Variants in DGKH observed in about 807,000 individuals in gnomAD.
DGKH encodes the protein diacylglycerol kinase eta, also known as DAG kinase eta.
Under a neutral mutation model 159.3 loss-of-function variants are expected in DGKH, and 90 were observed. The ratio of observed to expected loss-of-function variants is 0.57; its 90% CI spans 0.48 to 0.67. The LOEUF is 0.67. DGKH is among the 30% of genes least tolerant of loss of function. The pLI, the probability that DGKH is intolerant of heterozygous loss-of-function variation, is 0.00. For missense variants in DGKH, 1,181 were observed against 1,506.1 expected (o/e 0.78, Z 3.57); for synonymous variants, 536 against 553.8 (o/e 0.97, Z 0.45).
At chr13:42,167,940 A>C (rs947360041) in intron 9 of DGKH, among the ~76,000 whole-genome samples, 27 of 152,270 alleles carry the variant, frequency 1.8e-4, no homozygotes, top group African/African-American at 6.3e-4. Context: ...GAGATGAGGG[A>C]AAATAGAAGG....
At chr13:42,089,906 A>G (rs993310264) in intron 1 of DGKH, among the ~76,000 whole-genome samples, 2 of 136,912 alleles carry the variant, frequency 1.5e-5, no homozygotes, top group Admixed American at 7.6e-5. Flanking sequence ...CATGTCAAAT[A>G]TATTCTCAGA....
chr13:42,180,399 T>G (rs1319858239), intron 13 of DGKH, among the ~76,000 whole-genome samples: 1 of 152,246 alleles, frequency 6.6e-6, no homozygotes, highest in Non-Finnish European at 1.5e-5. Flanking sequence ...TTTCTAGTGT[T>G]CAATCCTGTT....
intron 1 of DGKH, among the ~76,000 whole-genome samples, chr13:42,103,501 C>T (rs747356301): frequency 2.0e-5 from 3 of 152,178 alleles, no homozygotes; most frequent in Non-Finnish European, 2.9e-5. Context: ...CTGCGATTCC[C>T]AAGTCCCTGC....
In DGKH at chr13:42,048,869, G is replaced by C. The variant is rs1013199141; in HGVS notation, c.96G>C (p.Ala32=). 13 of 1,372,476 alleles carry C rather than the reference G, an allele frequency of 9.5e-6. No individual in the cohort carries two copies. Among genetic ancestry groups the C allele is most frequent in the Non-Finnish European group, 1.2e-5 (13 of 1,058,130 alleles). 85.0% of individuals were successfully genotyped at this position (1,372,476 alleles called of 1,614,324 possible). Residue 32 remains alanine, a synonymous_variant, in exon 1 of 30, where the codon GCG becomes GCC. Coordinates refer to ENST00000337343, the MANE Select transcript of DGKH (RefSeq NM_178009.5). This position sits in a 1 kb window ranked among gnomAD's most constrained non-coding sequence, Gnocchi z 6.7. ...CGGTCACCTCCGCCGCTGCCTCGGCGGGGCCGGGAGAGGATTCGTCTGACA... is the reference window on the plus strand; with the variant it reads ...CGGTCACCTCCGCCGCTGCCTCGGCCGGGCCGGGAGAGGATTCGTCTGACA... ...GAAVTSAAAS[A]GPGEDSSDSE...
intron 1 of DGKH, chr13:42,070,576 C>G (rs1347953827): frequency 3.2e-6 from 5 of 1,576,352 alleles, no homozygotes; most frequent in Non-Finnish European, 3.5e-6. Context: ...CCGTGCAAGA[C>G]CAAAGTCGCC....
intron 12 of DGKH, among the ~76,000 whole-genome samples, chr13:42,176,345 T>G (rs920861482): frequency 1.3e-5 from 2 of 152,184 alleles, no homozygotes. Flanking sequence ...TTTTCAAATT[T>G]TAAAGTTTAT....
chr13:42,147,791 A>G (rs1011117137), intron 3 of DGKH, among the ~76,000 whole-genome samples: 3 of 152,224 alleles, frequency 2.0e-5, no homozygotes, highest in Non-Finnish European at 4.4e-5. Context: ...GTGCGTTGTA[A>G]TAGTTCCAAA....
At chr13:42,041,883 C>T (rs1181131678) in intron 1 of DGKH, among the ~76,000 whole-genome samples, 1 of 152,240 alleles carries the variant, frequency 6.6e-6, no homozygotes, top group African/African-American at 2.4e-5. Context: ...GCTGTTTTCC[C>T]AGGGACTCTC....
chr13:42,170,286 G>A (rs1249630365), intron 11 of DGKH, among the ~76,000 whole-genome samples: 1 of 152,110 alleles, frequency 6.6e-6, no homozygotes, highest in Admixed American at 6.5e-5. Context: ...GGTGGCTCAC[G>A]CCTATAATCC....
chr13:42,053,630 A>AT (rs199772499), intron 1 of DGKH, among the ~76,000 whole-genome samples: 1,518 of 143,030 alleles, frequency 0.011, 7 homozygotes, highest in Non-Finnish European at 0.017. Flanking sequence ...ATATATATAT[A>AT]TTTTTTTGAG....
intron 3 of DGKH, among the ~76,000 whole-genome samples, chr13:42,135,507 A>AAAAAAAAAAAAAAAAAAGAAAG (rs71096557): frequency 8.8e-6 from 1 of 113,404 alleles, no homozygotes; most frequent in Non-Finnish European, 1.9e-5. Context: ...AAAAAAAAAA[A>AAAAAAAAAAAAAAAAAAGAAAG]AGAGAGAGAG....
At chr13:42,225,270 T>C (rs1958094832) in intron 29 of DGKH, 1 of 1,585,694 alleles carries the variant, frequency 6.3e-7, no homozygotes, top group African/African-American at 1.3e-5. Context: ...ACAAACTGAT[T>C]GCATCATTTT....
intron 1 of DGKH, among the ~76,000 whole-genome samples, chr13:42,103,395 T>C (rs1271068852): frequency 6.6e-6 from 1 of 151,766 alleles, no homozygotes; most frequent in Non-Finnish European, 1.5e-5. Context: ...AGGACTCTTG[T>C]TGTATTTTAT....
At chr13:42,188,302 A>G (rs960702096) in intron 14 of DGKH, among the ~76,000 whole-genome samples, 1 of 152,200 alleles carries the variant, frequency 6.6e-6, no homozygotes, top group Non-Finnish European at 1.5e-5. Flanking sequence ...CTTCAGTCCT[A>G]AATGTTTCTT....
chr13:42,105,828 G>A (rs1954741344), intron 1 of DGKH, among the ~76,000 whole-genome samples: 1 of 152,112 alleles, frequency 6.6e-6, no homozygotes, highest in African/African-American at 2.4e-5. Context: ...CTGCAAGCAG[G>A]CATTTTTCTT....
rs537151220 is a variant in DGKH at position 42,183,560 on chromosome 13, A to G, written c.1539-3489A>G. ...TTTAAACCCTCTTGTGCCTGTTTGT[A>G]TTTATTTCATGCAATAATAATTCCC... is the stretch of plus-strand genomic sequence containing the variant. On this transcript the variant is annotated intron_variant, in intron 13 of 29. Transcript: ENST00000337343. 5.9e-5 allele frequency among the ~76,000 whole-genome samples: 9 copies of G among 152,326 alleles called. No homozygotes were observed. In the East Asian group the frequency reaches 1.7e-3, roughly 29 times the overall value.
chr13:42,165,568 T>G, intron 8 of DGKH, 135 bp downstream of exon 8: 1 of 484,822 alleles, frequency 2.1e-6, no homozygotes, highest in South Asian at 5.3e-5. Context: ...CCATTTAAAT[T>G]GCTGAAAGTA....
intron 3 of DGKH, among the ~76,000 whole-genome samples, chr13:42,136,973 CAG>C (rs1039836430): frequency 6.6e-6 from 1 of 152,238 alleles, no homozygotes; most frequent in African/African-American, 2.4e-5. Flanking sequence ...CATCAAATAT[CAG>C]AAATTATGCA....
At chr13:42,248,065 A>G (rs1958594495) in intron 29 of DGKH, among the ~76,000 whole-genome samples, 1 of 152,302 alleles carries the variant, frequency 6.6e-6, no homozygotes, top group South Asian at 2.1e-4. Context: ...AGGCCTTCAC[A>G]TTCACTCGCC....
Sources: gnomAD v4.1 joint callset for allele counts (sites outside exome capture counted in the v4.1 genomes callset) on GRCh38, gnomAD v4.1.1 for gene constraint, Gnocchi (gnomAD v3.1) non-coding constraint, MANE v1.5 for transcripts, NCBI Gene and HGNC (gene_info 2026-07-23, HGNC 2026-07-21) for gene names.